CIAO2A: variants seen among roughly 807,000 people sequenced by gnomAD.
CIAO2A encodes the protein cytosolic iron-sulfur assembly component 2A.
In CIAO2A, 17 loss-of-function variants were observed where a neutral mutation model predicts 22.4. The observed-to-expected ratio is 0.76, with a 90% confidence interval of 0.52 to 1.14. CIAO2A has a LOEUF of 1.14. Among genes scored for constraint, CIAO2A ranks in the 50% most tolerant of loss-of-function variants. The probability of loss-of-function intolerance (pLI) is 0.00; values close to 1 mark genes in which losing one functional copy is unlikely to be tolerated. For synonymous variants in CIAO2A, 74 were observed against 72.3 expected (o/e 1.02, Z -0.12); for missense variants, 192 against 191.4 (o/e 1.00, Z -0.02).
At chr15:64,093,384 G>A (rs964466205) in intron 1 of CIAO2A, among the ~76,000 whole-genome samples, 2 of 152,020 alleles carry the variant, frequency 1.3e-5, no homozygotes, top group African/African-American at 4.8e-5. Flanking sequence ...GGAGAATGAA[G>A]CTTTTAAGAC....
chr15:64,087,700 C>CT (rs2080808832), intron 2 of CIAO2A, among the ~76,000 whole-genome samples: 2 of 152,084 alleles, frequency 1.3e-5, no homozygotes, highest in South Asian at 2.1e-4. Flanking sequence ...CCTTTTCAAT[C>CT]TTTTTTATAA....
chr15:64,078,410 G>A (rs1308327486), intron 3 of CIAO2A, among the ~76,000 whole-genome samples: 1 of 152,114 alleles, frequency 6.6e-6, no homozygotes, highest in Non-Finnish European at 1.5e-5. Flanking sequence ...TAAGGCGGGT[G>A]TATCACCTGA....
chr15:64,089,694 C>T (rs752669410), intron 1 of CIAO2A, among the ~76,000 whole-genome samples: 26 of 152,264 alleles, frequency 1.7e-4, no homozygotes, highest in Admixed American at 9.2e-4. Context: ...ACATGGACAA[C>T]ACTGTGCTGT....
intron 1 of CIAO2A, among the ~76,000 whole-genome samples, chr15:64,089,391 A>G (rs2080821800): frequency 6.6e-6 from 1 of 151,870 alleles, no homozygotes; most frequent in Non-Finnish European, 1.5e-5. Flanking sequence ...AGCCGGGTGT[A>G]GTGGTGCAGG....
rs2080682803 is a variant in CIAO2A, at chr15:64,072,826, T to C, written c.*105A>G. 1 of 689,166 alleles carries C rather than the reference T, an allele frequency of 1.5e-6. No homozygotes were observed. The highest frequency in any genetic ancestry group is 2.4e-6 in the Non-Finnish European group (1 of 409,934). 42.7% of individuals were successfully genotyped at this position (689,166 alleles called of 1,614,324 possible). ...GGAAAGAATCCTTTAAAAAATACTC[T>C]GAGGTACAAATCACCTATGTATTAA... On this transcript the variant is annotated 3_prime_UTR_variant, in exon 5 of 5. Coordinates refer to ENST00000300030, the MANE Select transcript of CIAO2A (RefSeq NM_032231.7).
At chr15:64,082,639 T>C (rs2080766011) in intron 2 of CIAO2A, among the ~76,000 whole-genome samples, 2 of 152,244 alleles carry the variant, frequency 1.3e-5, no homozygotes, top group Non-Finnish European at 2.9e-5. Context: ...AAAGCATATC[T>C]GGGAGAGTTC....
At chr15:64,088,218 A>G (rs1332045560) in intron 2 of CIAO2A, among the ~76,000 whole-genome samples, 1 of 152,242 alleles carries the variant, frequency 6.6e-6, no homozygotes, top group East Asian at 1.9e-4. Flanking sequence ...TGTAGAAACC[A>G]GAAGAGTCAC....
At chr15:64,080,241 A>T (rs2080750021) in intron 3 of CIAO2A, among the ~76,000 whole-genome samples, 1 of 151,848 alleles carries the variant, frequency 6.6e-6, no homozygotes, top group African/African-American at 2.4e-5. Context: ...AAAAAAAATT[A>T]GCCGGGAATG....
intron 1 of CIAO2A, among the ~76,000 whole-genome samples, chr15:64,090,762 C>G (rs1219902867): frequency 1.3e-5 from 2 of 152,102 alleles, no homozygotes; most frequent in African/African-American, 4.8e-5. Flanking sequence ...AGGGCCTTAG[C>G]TGGGAAGGGA....
At chr15:64,073,132 A>G in intron 4 of CIAO2A, 104 bp from the exon 5 acceptor site, 1 of 713,102 alleles carries the variant, frequency 1.4e-6, no homozygotes, top group Non-Finnish European at 2.3e-6. Context: ...ACTCCTTGAG[A>G]ACTTAAACCT....
intron 3 of CIAO2A, among the ~76,000 whole-genome samples, chr15:64,079,407 G>A (rs1223326302): frequency 6.6e-6 from 1 of 152,180 alleles, no homozygotes; most frequent in East Asian, 1.9e-4. Context: ...AGCCAGGCAT[G>A]GCAGTGCACG....
chr15:64,081,161 G>C lies in CIAO2A; in HGVS notation c.290-10C>G, dbSNP rs185893947. Reference sequence around the variant, plus strand: ...ACTCTTAAGCACAGCCCTGTGGAGGGAAAATCACACCTCCAATTATCTCTT... The same window carrying C: ...ACTCTTAAGCACAGCCCTGTGGAGGCAAAATCACACCTCCAATTATCTCTT... On this transcript the variant is annotated splice_polypyrimidine_tract_variant and intron_variant, in intron 2 of 4. Transcript: ENST00000300030. The C allele has an allele frequency of 4.6e-5, 74 of 1,609,618 alleles. No individual in the cohort carries two copies. In the East Asian group the frequency reaches 1.0e-3, roughly 22 times the overall value.
chr15:64,073,244 C>T (rs2080688446), intron 4 of CIAO2A, among the ~76,000 whole-genome samples: 1 of 152,094 alleles, frequency 6.6e-6, no homozygotes. Context: ...CTATTTTTTT[C>T]TTTCCAGTCT....
chr15:64,082,473 C>G (rs1416976597), intron 2 of CIAO2A, among the ~76,000 whole-genome samples: 1 of 152,142 alleles, frequency 6.6e-6, no homozygotes, highest in Non-Finnish European at 1.5e-5. Context: ...AGTGATCTGC[C>G]CGCCTCGGCC....
rs759962282 is a variant in CIAO2A, at chr15:64,093,802, A to G, written c.-34T>C. The G allele has an allele frequency of 8.1e-6, 13 of 1,599,086 alleles. 1 individual carries two copies. The South Asian group carries it at 1.1e-4, about 14-fold the overall frequency. On this transcript the variant is annotated 5_prime_UTR_variant, in exon 1 of 5. Coordinates refer to ENST00000300030, the MANE Select transcript of CIAO2A (RefSeq NM_032231.7). ...TCAGCCATCCCTGGCGACTGTCCCA[A>G]TCGCGCCACCGTCTCTCAGCAGCCT...
chr15:64,093,207 G>A (rs2080857044), intron 1 of CIAO2A, among the ~76,000 whole-genome samples: 1 of 152,154 alleles, frequency 6.6e-6, no homozygotes, highest in Non-Finnish European at 1.5e-5. Flanking sequence ...TCCCCAACTC[G>A]ACTGTCACCC....
chr15:64,073,891 C>T (rs957373787), intron 4 of CIAO2A: 2 of 152,174 alleles, frequency 1.3e-5, no homozygotes, highest in Admixed American at 1.3e-4. Context: ...GTGTGAACCA[C>T]CATGCCCGGG....
intron 3 of CIAO2A, among the ~76,000 whole-genome samples, chr15:64,079,725 T>C (rs1354112952): frequency 6.6e-6 from 1 of 152,200 alleles, no homozygotes; most frequent in Non-Finnish European, 1.5e-5. Flanking sequence ...TTAACTGTGA[T>C]ATCCATATTC....
chr15:64,075,265 T>C (rs942429978), intron 4 of CIAO2A: 4 of 392,356 alleles, frequency 1.0e-5, no homozygotes, highest in African/African-American at 8.5e-5. Context: ...GTGTAGCCAC[T>C]GGCCTAAACC....
Sources: gnomAD v4.1 joint callset for allele counts (sites outside exome capture counted in the v4.1 genomes callset) on GRCh38, gnomAD v4.1.1 for gene constraint, MANE v1.5 for transcripts, NCBI Gene and HGNC (gene_info 2026-07-23, HGNC 2026-07-21) for gene names.